NEK7: variants seen among roughly 807,000 people sequenced by gnomAD.
The protein encoded by NEK7 is serine/threonine-protein kinase Nek7.
NEK7 carries 18 observed loss-of-function variants against 44.6 expected under a neutral mutation model. The observed-to-expected ratio is 0.40, with a 90% CI of 0.28 to 0.60. The LOEUF is 0.60. Ranked by LOEUF, NEK7 falls within the 20% of genes least tolerant of loss-of-function variation. NEK7 has a pLI of 0.38. For synonymous variants in NEK7, 130 were observed against 121.1 expected (o/e 1.07, Z -0.48); for missense variants, 256 against 366.5 (o/e 0.70, Z 2.46).
chr1:198,286,151 A>G (rs549214238), intron 7 of NEK7, among the ~76,000 whole-genome samples: 5 of 152,316 alleles, frequency 3.3e-5, no homozygotes, highest in African/African-American at 9.6e-5. Context: ...CAAGCTTCAA[A>G]TACTCATATG....
At chr1:198,308,353 C>T (rs1655075476) in intron 9 of NEK7, among the ~76,000 whole-genome samples, 1 of 152,072 alleles carries the variant, frequency 6.6e-6, no homozygotes, top group Admixed American at 6.5e-5. Context: ...CAGAATTAAA[C>T]CCAAAATTCA....
At chr1:198,172,670 G>A (rs967127528) in intron 1 of NEK7, among the ~76,000 whole-genome samples, 1 of 152,190 alleles carries the variant, frequency 6.6e-6, no homozygotes, top group African/African-American at 2.4e-5. Context: ...TAGATTCCTA[G>A]TTGCTGGCTA....
chr1:198,276,197 TTC>T (rs1470770831), intron 5 of NEK7, among the ~76,000 whole-genome samples: 6 of 151,716 alleles, frequency 4.0e-5, no homozygotes, highest in Non-Finnish European at 8.9e-5. Flanking sequence ...ATTATGCCTT[TTC>T]TTTTAGATTT....
chr1:198,256,341 C>T (rs1173433035), intron 3 of NEK7: 1 of 1,606,002 alleles, frequency 6.2e-7, no homozygotes, highest in Admixed American at 1.7e-5. Context: ...TGCCTGTTAC[C>T]TGTATGGGAA....
chr1:198,228,173 G>C (rs1303919758), intron 1 of NEK7, among the ~76,000 whole-genome samples: 1 of 152,178 alleles, frequency 6.6e-6, no homozygotes, highest in African/African-American at 2.4e-5. Context: ...AGATCAGATG[G>C]TTGTAGATAT....
intron 1 of NEK7, among the ~76,000 whole-genome samples, chr1:198,212,115 G>A (rs1430369397): frequency 6.6e-6 from 1 of 152,190 alleles, no homozygotes; most frequent in Non-Finnish European, 1.5e-5. Context: ...GTCTCACAGG[G>A]GACCTCACGG....
chr1:198,179,472 A>T (rs1428774350), intron 1 of NEK7, among the ~76,000 whole-genome samples: 1 of 152,116 alleles, frequency 6.6e-6, no homozygotes, highest in East Asian at 1.9e-4. Flanking sequence ...CAGAGAATTC[A>T]TACAGATTCT....
At chr1:198,241,395 G>A (rs1666680808) in intron 2 of NEK7, among the ~76,000 whole-genome samples, 1 of 152,104 alleles carries the variant, frequency 6.6e-6, no homozygotes, top group Non-Finnish European at 1.5e-5. Context: ...CAGTGTTGGG[G>A]CACAAGTAAA....
Position 198,210,741 on chromosome 1 carries a change from C to CTTTTTTTTTTT in NEK7, c.-28-21793_-28-21783dup, listed in dbSNP as rs140181207. Among the ~76,000 whole-genome samples, 11 of 57,542 alleles carry CTTTTTTTTTTT rather than the reference C, an allele frequency of 1.9e-4. 2 individuals carry two copies. Among genetic ancestry groups the CTTTTTTTTTTT allele is most frequent in the Non-Finnish European group, 2.3e-4 (7 of 31,002 alleles). The allele number at this position is 57,542 out of a possible 152,430, so 37.7% of individuals were successfully genotyped here. On this transcript the variant is annotated intron_variant, in intron 1 of 9. Coordinates refer to ENST00000367385, the MANE Select transcript of NEK7 (RefSeq NM_133494.3). ...GTCATTGTCCCTTCAATTTGTATTT[C>CTTTTTTTTTTT]TTTTTTTTTTTTTTTTTTTTTTTTT...
At chr1:198,231,297 G>GTATATATATATATATA (rs1236094292) in intron 1 of NEK7, among the ~76,000 whole-genome samples, 123 of 90,064 alleles carry the variant, frequency 1.4e-3, no homozygotes, top group African/African-American at 1.7e-3. Flanking sequence ...GTGTATGTGT[G>GTATATATATATATATA]TGTGTATATA....
At chr1:198,275,592 T>C (rs1653992620) in intron 5 of NEK7, among the ~76,000 whole-genome samples, 1 of 151,452 alleles carries the variant, frequency 6.6e-6, no homozygotes, top group African/African-American at 2.4e-5. Context: ...TTTGGCTAGA[T>C]AATTAACTTT....
At chr1:198,208,708 G>C (rs1177445601) in intron 1 of NEK7, 4 of 152,122 alleles carry the variant, frequency 2.6e-5, no homozygotes, top group African/African-American at 9.7e-5. Flanking sequence ...TTTAGTATTT[G>C]AGATAATTTG....
chr1:198,160,787 T>C lies in NEK7; in HGVS notation c.-29+3511T>C, dbSNP rs528700155. On this transcript the variant is annotated intron_variant, in intron 1 of 9. Transcript: ENST00000367385. Reference sequence around the variant, plus strand: ...TATAATATAATGGCAGTTCAGAATTTTTAAATTGATACAATTCAATCTCAG... The same window carrying C: ...TATAATATAATGGCAGTTCAGAATTCTTAAATTGATACAATTCAATCTCAG... 2.6e-5 allele frequency among the ~76,000 whole-genome samples: 4 copies of C among 152,352 alleles called. No homozygotes were observed. In the South Asian group the frequency reaches 8.3e-4, roughly 32 times the overall value.
At chr1:198,252,469 C>T (rs930707685) in intron 2 of NEK7, among the ~76,000 whole-genome samples, 1 of 138,234 alleles carries the variant, frequency 7.2e-6, no homozygotes, top group Admixed American at 7.6e-5. Context: ...ACTCTTCATC[C>T]CTATGTTGTA....
intron 1 of NEK7, among the ~76,000 whole-genome samples, chr1:198,158,098 C>A (rs1458340449): frequency 6.6e-6 from 1 of 152,166 alleles, no homozygotes; most frequent in Non-Finnish European, 1.5e-5. Context: ...AAAACCGCAG[C>A]ATCCTCTATT....
chr1:198,244,543 T>TCA lies in NEK7; in HGVS notation c.58-8496_58-8495dup, dbSNP rs529307136. Reference sequence around the variant, plus strand: ...TGAAAAGTATCTATGTGAAGGAAGCTCAGTAAACACAGACTGATACGTAGA... The same window carrying TCA: ...TGAAAAGTATCTATGTGAAGGAAGCTCACAGTAAACACAGACTGATACGTAGA... On this transcript the variant is annotated intron_variant, in intron 2 of 9. Transcript: ENST00000367385. Among the ~76,000 whole-genome samples the TCA allele has an allele frequency of 4.3e-3, 659 of 152,238 alleles. 6 individuals are homozygous for TCA. Among genetic ancestry groups the TCA allele is most frequent in the African/African-American group, 0.015 (628 of 41,540 alleles).
chr1:198,297,983 A>T (rs1374030038), intron 9 of NEK7, among the ~76,000 whole-genome samples: 1 of 152,206 alleles, frequency 6.6e-6, no homozygotes, highest in Non-Finnish European at 1.5e-5. Context: ...TGAACAAAAC[A>T]TCTCCCATTT....
At chr1:198,288,441 A>T (rs1256269316) in intron 7 of NEK7, among the ~76,000 whole-genome samples, 2 of 152,138 alleles carry the variant, frequency 1.3e-5, no homozygotes, top group African/African-American at 4.8e-5. Context: ...CTTTTAGAAG[A>T]TTTCTCTGCT....
chr1:198,178,690 TTGTTGTTGTTG>T (rs1664674840), intron 1 of NEK7, among the ~76,000 whole-genome samples: 1 of 144,694 alleles, frequency 6.9e-6, no homozygotes, highest in Non-Finnish European at 1.5e-5. Flanking sequence ...CCATTTTTTG[TTGTTGTTGTTG>T]TTGTTGTTGT....
Sources: gnomAD v4.1 joint callset for allele counts (sites outside exome capture counted in the v4.1 genomes callset) on GRCh38, gnomAD v4.1.1 for gene constraint, MANE v1.5 for transcripts, NCBI Gene and HGNC (gene_info 2026-07-23, HGNC 2026-07-21) for gene names.